Variants in MYT1 observed in about 807,000 individuals in gnomAD.
MYT1 encodes myelin transcription factor I.
Under a neutral mutation model 123.0 loss-of-function variants are expected in MYT1, and 23 were observed. That is an observed-to-expected ratio of 0.19 (90% CI 0.13 to 0.26). The LOEUF (loss-of-function observed/expected upper bound fraction) is 0.26. Among genes scored for constraint, MYT1 ranks in the 10% least tolerant of loss-of-function variants. The pLI is 1.00. For missense variants in MYT1, 1,125 were observed against 1,472.5 expected (o/e 0.76, Z 3.86); for synonymous variants, 518 against 575.3 (o/e 0.90, Z 1.43).
intron 1 of MYT1, among the ~76,000 whole-genome samples, chr20:64,187,636 C>G (rs547769273): frequency 6.6e-6 from 1 of 152,390 alleles, no homozygotes; most frequent in South Asian, 2.1e-4. Context: ...GTGGAGCCTA[C>G]TGAGCCCATG....
chr20:64,187,022 A>T (rs1380821072), intron 1 of MYT1, among the ~76,000 whole-genome samples: 2,053 of 38,320 alleles, frequency 0.054, no homozygotes, highest in Middle Eastern at 0.13. Context: ...CCGTGGAGAG[A>T]TTTCCTGTAG....
Position 64,239,737 on chromosome 20 carries a change from C to T in MYT1, c.3094-23C>T, listed in dbSNP as rs1432838761. 5 of 1,613,198 alleles carry T rather than the reference C, an allele frequency of 3.1e-6. No individual in the cohort carries two copies. In the African/African-American group the frequency reaches 6.7e-5, roughly 22 times the overall value. ...GGATGGGGGCCAAGGGCAGGCGGCA[C>T]TTCGAATCTCTCTCTGGCACAGATC... On this transcript the variant is annotated intron_variant, in intron 21 of 22. Transcript: ENST00000328439.
At chr20:64,239,975 C>T (rs1410862885) in intron 22 of MYT1, 72 bp downstream of exon 22, 3 of 1,571,610 alleles carry the variant, frequency 1.9e-6, no homozygotes, top group Non-Finnish European at 2.6e-6. Flanking sequence ...GAGGGCAGGG[C>T]ATCTCCCACC....
At position 64,202,210 on chromosome 20, in the gene MYT1, G is replaced by C. The variant is rs1319298938; in HGVS notation, c.86+2288G>C. Among the ~76,000 whole-genome samples the C allele has an allele frequency of 6.6e-6, 1 of 152,238 alleles. No homozygotes were observed. The highest frequency in any genetic ancestry group is 1.5e-5 in the Non-Finnish European group (1 of 68,046). ...AGACAGTCCATTGGTTGTTTACCAG[G>C]TGAGCTGAGGAGAGGTTGGACTTGG... is the stretch of plus-strand genomic sequence containing the variant. On this transcript the variant is annotated intron_variant, in intron 4 of 22. Transcript: ENST00000328439. The surrounding 1 kb of genome is among the most constrained non-coding windows in gnomAD (Gnocchi z 5.0).
chr20:64,194,236 G>A (rs1204141573), intron 2 of MYT1, among the ~76,000 whole-genome samples: 1 of 152,212 alleles, frequency 6.6e-6, no homozygotes, highest in African/African-American at 2.4e-5. Flanking sequence ...GCACAAGGTG[G>A]AGACTGAGAG....
At chr20:64,228,553 C>A (rs1362381700) in intron 18 of MYT1, among the ~76,000 whole-genome samples, 1 of 152,296 alleles carries the variant, frequency 6.6e-6, no homozygotes, top group Non-Finnish European at 1.5e-5. Flanking sequence ...TCCTCTATTG[C>A]TCTTCTCACT....
At chr20:64,206,319 C>T (rs1983487678) in intron 6 of MYT1, among the ~76,000 whole-genome samples, 1 of 152,146 alleles carries the variant, frequency 6.6e-6, no homozygotes, top group Admixed American at 6.5e-5. Context: ...CCTCTGAAGA[C>T]GGGGTGCCCG....
Position 64,203,336 on chromosome 20 carries a change from C to G in MYT1, c.87-1699C>G, listed in dbSNP as rs1983380584. On this transcript the variant is annotated intron_variant, in intron 4 of 22. Transcript: ENST00000328439. This position sits in a 1 kb window ranked among gnomAD's most constrained non-coding sequence, Gnocchi z 5.1. Reference sequence around the variant, plus strand: ...GCTTCAAATCCCCATTAACAAGGAGCTTTTTTGTGAAAAGTCCCAAAGCTA... The same window carrying G: ...GCTTCAAATCCCCATTAACAAGGAGGTTTTTTGTGAAAAGTCCCAAAGCTA... 6.6e-6 allele frequency among the ~76,000 whole-genome samples: 1 copy of G among 152,186 alleles called. No individual in the cohort carries two copies. Among genetic ancestry groups the G allele is most frequent in the Non-Finnish European group, 1.5e-5 (1 of 68,030 alleles).
intron 4 of MYT1, among the ~76,000 whole-genome samples, chr20:64,200,702 T>G (rs1162269248): frequency 6.6e-6 from 1 of 152,126 alleles, no homozygotes; most frequent in Non-Finnish European, 1.5e-5. Context: ...CACTGCCTGG[T>G]GATGTTATTA....
rs371272374 is a variant in MYT1, at chr20:64,211,227, G to A, written c.1313G>A (p.Arg438His). ...TTAGATCCTTCAAGAGCTGAGAAGC[G>A]TGAGATCAAGTGTCCAACACCAGGC... is the stretch of plus-strand genomic sequence containing the variant. Reference protein sequence around the residue: ...YSKDPSRAEKREIKCPTPGCD... With the variant: ...YSKDPSRAEKHEIKCPTPGCD... Residue 438 changes from arginine to histidine, a missense_variant, in exon 8 of 23, where the codon CGT becomes CAT. Arg to His is a conservative substitution (Grantham distance 29). This residue lies in a region of MYT1 where 429 missense variants were observed against 604.1 expected (regional missense o/e 0.71). Coordinates refer to ENST00000328439, the MANE Select transcript of MYT1 (RefSeq NM_004535.3). The A allele has an allele frequency of 9.3e-6, 15 of 1,613,598 alleles. No homozygotes were observed. The highest frequency in any genetic ancestry group is 2.2e-5 in the South Asian group (2 of 90,950).
intron 6 of MYT1, among the ~76,000 whole-genome samples, chr20:64,207,393 G>A (rs1228956271): frequency 2.0e-5 from 3 of 152,208 alleles, no homozygotes; most frequent in Admixed American, 6.5e-5. Context: ...TATATTCACC[G>A]TGATTTCTGG....
intron 4 of MYT1, among the ~76,000 whole-genome samples, chr20:64,201,951 C>CGTGTCGGGAACCCCTGT (rs1983324083): frequency 8.8e-6 from 1 of 113,962 alleles, no homozygotes; most frequent in South Asian, 2.8e-4. Context: ...GGAACCTCTG[C>CGTGTCGGGAACCCCTGT]GTGTCGGGAA....
At chr20:64,237,049 C>T (rs1285372495) in intron 20 of MYT1, among the ~76,000 whole-genome samples, 1 of 152,200 alleles carries the variant, frequency 6.6e-6, no homozygotes, top group Non-Finnish European at 1.5e-5. Context: ...TAAGCCTTTC[C>T]ACCTGCCAGC....
At chr20:64,178,735 A>G (rs75851516) in intron 1 of MYT1, among the ~76,000 whole-genome samples, 1,989 of 14,692 alleles carry the variant, frequency 0.14, no homozygotes, top group African/African-American at 0.15. Flanking sequence ...TTATTCGGTG[A>G]GATACCCTTC....
chr20:64,218,469 A>G lies in MYT1; in HGVS notation c.1847-442A>G, dbSNP rs1457609603. On this transcript the variant is annotated intron_variant, in intron 11 of 22. Transcript: ENST00000328439. The surrounding 1 kb of genome is among the most constrained non-coding windows in gnomAD (Gnocchi z 4.0). Reference sequence around the variant, plus strand: ...TGAGATCATGGGACAAAATTTTCCTATTTGGGCGATATGGCAAACACTCAT... The same window carrying G: ...TGAGATCATGGGACAAAATTTTCCTGTTTGGGCGATATGGCAAACACTCAT... 2.6e-5 allele frequency among the ~76,000 whole-genome samples: 4 copies of G among 152,154 alleles called. No homozygotes were observed. The highest frequency in any genetic ancestry group is 4.4e-5 in the Non-Finnish European group (3 of 68,022).
rs1982792769 is a variant in MYT1, at chr20:64,186,122, G to A, written c.-98-3941G>A. Among the ~76,000 whole-genome samples, 1 of 152,116 alleles carries A rather than the reference G, an allele frequency of 6.6e-6. No individual in the cohort carries two copies. The highest frequency in any genetic ancestry group is 1.9e-4 in the East Asian group (1 of 5,192). On this transcript the variant is annotated intron_variant, in intron 1 of 22. Transcript: ENST00000328439. This position sits in a 1 kb window ranked among gnomAD's most constrained non-coding sequence, Gnocchi z 4.3. ...CCTTTGTGCATCAATCTCAGCTGAG[G>A]AGGCCCTGTTTGTTTCCTGAGTTTT...
In MYT1 at chr20:64,207,959, C is replaced by T; in HGVS notation, c.763C>T (p.Leu255=). The T allele has an allele frequency of 1.9e-6, 3 of 1,606,996 alleles. No individual in the cohort carries two copies. The highest frequency in any genetic ancestry group is 2.5e-6 in the Non-Finnish European group (3 of 1,177,636). Residue 255 remains leucine, a synonymous_variant, in exon 7 of 23, where the codon CTG becomes TTG. Transcript: ENST00000328439. The stretch of plus-strand genomic sequence containing the variant: ...GGAGTCCAGCAAGCAGAAAGGCATC[C>T]TGAGTCACGAAGAGGAGGACGAGGA... ...SEESSKQKGI[L]SHEEEDEEEE... is the part of the protein sequence containing the mutation.
At chr20:64,234,832 G>A (rs1433977569) in intron 19 of MYT1, among the ~76,000 whole-genome samples, 2 of 146,744 alleles carry the variant, frequency 1.4e-5, no homozygotes, top group African/African-American at 5.1e-5. Flanking sequence ...ACCCCGAGCT[G>A]GCTGTGGTGG....
At chr20:64,197,595 G>T (rs1983160338) in intron 2 of MYT1, among the ~76,000 whole-genome samples, 1 of 152,220 alleles carries the variant, frequency 6.6e-6, no homozygotes, top group Non-Finnish European at 1.5e-5. Flanking sequence ...CTCCTCTTGG[G>T]CCTCCCCTGT....
Sources: gnomAD v4.1 joint callset for allele counts (sites outside exome capture counted in the v4.1 genomes callset) on GRCh38, gnomAD v4.1.1 for gene constraint, gnomAD v4.1.1 regional missense constraint, Gnocchi (gnomAD v3.1) non-coding constraint, MANE v1.5 for transcripts, NCBI Gene and HGNC (gene_info 2026-07-23, HGNC 2026-07-21) for gene names.